DNAH11: variants seen among roughly 807,000 people sequenced by gnomAD.
DNAH11 encodes the protein axonemal beta dynein heavy chain 11.
In DNAH11, 442 loss-of-function variants were observed where a neutral mutation model predicts 526.0. The ratio of observed to expected loss-of-function variants is 0.84; its 90% CI spans 0.78 to 0.91. The LOEUF (loss-of-function observed/expected upper bound fraction) is 0.91, where lower values mean the gene tolerates loss of function less well. Ranked by LOEUF, DNAH11 falls within the 40% of genes least tolerant of loss-of-function variation. DNAH11 has a pLI of 0.00. For synonymous variants in DNAH11, 2,461 were observed against 1,935.9 expected, an observed-to-expected ratio of 1.27 and a Z score of -7.12; for missense variants, 6,989 against 5,448.7, an observed-to-expected ratio of 1.28 and a Z score of -8.90.
At chr7:21,795,985 C>T (rs62447191) in intron 61 of DNAH11, among the ~76,000 whole-genome samples, 1 of 151,454 alleles carries the variant, frequency 6.6e-6, no homozygotes, top group African/African-American at 2.4e-5. Flanking sequence ...ACAGTGAGTA[C>T]CTCAACATGA....
intron 2 of DNAH11, 106 bp downstream of exon 2, chr7:21,545,255 G>A: frequency 1.6e-6 from 1 of 642,640 alleles, no homozygotes; most frequent in Non-Finnish European, 2.3e-6. Flanking sequence ...GGAGGGGAAG[G>A]GAAGGGGATG....
intron 54 of DNAH11, among the ~76,000 whole-genome samples, chr7:21,751,179 C>A (rs1170570280): frequency 2.0e-5 from 3 of 152,182 alleles, no homozygotes; most frequent in African/African-American, 7.2e-5. Context: ...CAAAAATTAG[C>A]CAGGCTTGGT....
chr7:21,688,897 CTT>C (rs1281729274), intron 34 of DNAH11, among the ~76,000 whole-genome samples: 3 of 152,190 alleles, frequency 2.0e-5, no homozygotes, highest in Non-Finnish European at 4.4e-5. Flanking sequence ...ACAGGGCAAT[CTT>C]ATTTATCTGG....
intron 66 of DNAH11, among the ~76,000 whole-genome samples, chr7:21,846,320 A>C (rs1273776395): frequency 6.6e-6 from 1 of 152,194 alleles, no homozygotes; most frequent in Non-Finnish European, 1.5e-5. Context: ...AAAAGCATCT[A>C]GCTTCTCACC....
rs775929199 is a variant in DNAH11, at chr7:21,606,643, T to G, written c.3766-4T>G. The G allele has an allele frequency of 2.1e-6, 3 of 1,437,898 alleles. No homozygotes were observed. The South Asian group carries it at 3.8e-5, about 18-fold the overall frequency. 89.1% of individuals were successfully genotyped at this position (1,437,898 alleles called of 1,614,324 possible). A position where few individuals can be genotyped will look rare whatever the true frequency, so the allele number is the denominator to read the frequency against. On this transcript the variant is annotated splice_region_variant and splice_polypyrimidine_tract_variant and intron_variant, in intron 19 of 81. Transcript: ENST00000409508. The stretch of plus-strand genomic sequence containing the variant: ...TTTTTTTTTTTTTTTTTTGCAATGA[T>G]CAGGCAAAGCAGGCAGAGTTCAGAG...
Position 21,725,927 on chromosome 7 carries a change from A to G in DNAH11, c.7383A>G (p.Leu2461=). The change falls in exon 45 of 82, where the codon TTA becomes TTG. Residue 2461 remains leucine (L), a synonymous_variant. Transcript: ENST00000409508. The stretch of plus-strand genomic sequence containing the variant: ...ATGTGGACCACAAAACTAAGAAATT[A>G]TTGCCCTGGGCTGACAAAATTGCCC... ...DYYVDHKTKK[L]LPWADKIAQF... 3.8e-6 allele frequency: 6 copies of G among 1,571,450 alleles called. No individual in the cohort carries two copies. The highest frequency in any genetic ancestry group is 5.2e-6 in the Non-Finnish European group (6 of 1,157,134).
At chr7:21,716,429 C>A (rs1784665703) in intron 42 of DNAH11, among the ~76,000 whole-genome samples, 1 of 152,180 alleles carries the variant, frequency 6.6e-6, no homozygotes. Flanking sequence ...CATATTATTA[C>A]CCTCTCCATT....
At chr7:21,616,320 A>C (rs775574044) in intron 22 of DNAH11, 28 bp downstream of exon 22, 2 of 1,569,468 alleles carry the variant, frequency 1.3e-6, no homozygotes, top group Non-Finnish European at 1.7e-6. Context: ...CTATTACAAC[A>C]ATTTATCTTT....
In DNAH11 at chr7:21,591,223, T is replaced by G. The variant is rs753701585; in HGVS notation, c.2313T>G (p.Asn771Lys). 6.4e-7 allele frequency: 1 copy of G among 1,574,300 alleles called. No individual in the cohort carries two copies. The highest frequency in any genetic ancestry group is 1.2e-5 in the South Asian group (1 of 84,664). The change falls in exon 14 of 82, where the codon AAT (asparagine) becomes AAG (lysine). Residue 771 changes from asparagine to lysine, a missense_variant. Asn to Lys is a moderately conservative substitution (Grantham distance 94). Transcript: ENST00000409508. ...TTGACCTTCTTGTGCAAGGGTATAA[T>G]AAACTCAAACAGACGCTCCTGGAAG... is the stretch of plus-strand genomic sequence containing the variant. ...GNLDLLVQGY[N>K]KLKQTLLEVE...
intron 42 of DNAH11, among the ~76,000 whole-genome samples, chr7:21,715,834 A>T (rs533741362): frequency 1.3e-5 from 2 of 149,388 alleles, no homozygotes; most frequent in Non-Finnish European, 3.0e-5. Flanking sequence ...ATTGATCCCT[A>T]GTAGAGGTAA....
chr7:21,579,450 C>T (rs947178101), intron 8 of DNAH11, among the ~76,000 whole-genome samples: 2 of 152,124 alleles, frequency 1.3e-5, no homozygotes, highest in African/African-American at 4.8e-5. Context: ...ATGAAGAGTA[C>T]AGAGTGCTCT....
At chr7:21,869,064 A>G in intron 73 of DNAH11, 73 bp downstream of exon 73, 2 of 1,595,288 alleles carry the variant, frequency 1.3e-6, no homozygotes, top group African/African-American at 2.7e-5. Context: ...GGCCCGCCCA[A>G]CAGAATGCTC....
chr7:21,806,339 G>A (rs1412410296), intron 62 of DNAH11, among the ~76,000 whole-genome samples: 1 of 152,154 alleles, frequency 6.6e-6, no homozygotes, highest in Non-Finnish European at 1.5e-5. Context: ...GATTCCTCCT[G>A]AAAATTAATG....
At chr7:21,552,089 G>T (rs951986426) in intron 2 of DNAH11, among the ~76,000 whole-genome samples, 6 of 152,120 alleles carry the variant, frequency 3.9e-5, no homozygotes, top group African/African-American at 1.4e-4. Flanking sequence ...GGAGGCAAAA[G>T]CAACAGGTTC....
At chr7:21,848,673 A>G (rs1385905931) in intron 66 of DNAH11, among the ~76,000 whole-genome samples, 2 of 151,892 alleles carry the variant, frequency 1.3e-5, no homozygotes, top group African/African-American at 4.8e-5. Flanking sequence ...TTACAACATG[A>G]TGTATGTATT....
chr7:21,672,378 C>T (rs550762215), intron 30 of DNAH11, among the ~76,000 whole-genome samples: 14 of 152,278 alleles, frequency 9.2e-5, no homozygotes, highest in East Asian at 1.9e-4. Flanking sequence ...CTCAAACTTA[C>T]GGGCTCAAAC....
At chr7:21,583,629 C>T (rs1412332113) in intron 9 of DNAH11, among the ~76,000 whole-genome samples, 1 of 152,186 alleles carries the variant, frequency 6.6e-6, no homozygotes, top group East Asian at 1.9e-4. Context: ...AAGAAACTAT[C>T]ATCAGAGTGA....
At chr7:21,639,117 C>T in intron 28 of DNAH11, 52 bp downstream of exon 28, 1 of 1,533,482 alleles carries the variant, frequency 6.5e-7, no homozygotes, top group South Asian at 1.3e-5. Context: ...TGAGGAATGT[C>T]ATAGCGTCTC....
chr7:21,827,877 C>G (rs577718106), intron 65 of DNAH11, among the ~76,000 whole-genome samples: 1 of 151,934 alleles, frequency 6.6e-6, no homozygotes, highest in Non-Finnish European at 1.5e-5. Context: ...AAGATAGAAA[C>G]ATGTTAAATT....
Sources: gnomAD v4.1 joint callset for allele counts (sites outside exome capture counted in the v4.1 genomes callset) on GRCh38, gnomAD v4.1.1 for gene constraint, MANE v1.5 for transcripts, NCBI Gene and HGNC (gene_info 2026-07-23, HGNC 2026-07-21) for gene names.